Variants in NOL4 observed in about 807,000 individuals in gnomAD.
The protein encoded by NOL4 is nucleolar protein 4.
In NOL4, 17 loss-of-function variants were observed where a neutral mutation model predicts 75.9. The observed-to-expected ratio is 0.22, with a 90% CI of 0.15 to 0.34. The LOEUF is 0.34. Among genes scored for constraint, NOL4 ranks in the 10% least tolerant of loss-of-function variants. The pLI is 1.00. For missense variants in NOL4, 614 were observed against 793.5 expected, an observed-to-expected ratio of 0.77 and a Z score of 2.72; for synonymous variants, 292 against 289.9, an observed-to-expected ratio of 1.01 and a Z score of -0.07.
At chr18:33,992,988 T>C (rs2073030179) in intron 6 of NOL4, among the ~76,000 whole-genome samples, 1 of 151,454 alleles carries the variant, frequency 6.6e-6, no homozygotes, top group South Asian at 2.1e-4. Flanking sequence ...TAAATAGAGG[T>C]TTTAGTGGAC....
rs1001378388 is a variant in NOL4 at position 33,867,627 on chromosome 18, G to A, written c.1724-14592C>T. ...TCCCTGGAAATCCCTGGAAAGTTAA[G>A]ACTCTAATGTGTGTGTATGTAAACA... On this transcript the variant is annotated intron_variant, in intron 10 of 10. Transcript: ENST00000261592. Among the ~76,000 whole-genome samples, 3 of 148,178 alleles carry A rather than the reference G, an allele frequency of 2.0e-5. No individual in the cohort carries two copies. In the Admixed American group the frequency reaches 2.1e-4, roughly 10 times the overall value.
At chr18:33,966,590 G>A (rs1255496706) in intron 6 of NOL4, among the ~76,000 whole-genome samples, 2 of 152,112 alleles carry the variant, frequency 1.3e-5, no homozygotes, top group African/African-American at 4.8e-5. Context: ...AACCACTTCA[G>A]TGAAGTTTTA....
At chr18:34,135,007 G>GA (rs1316750351) in intron 1 of NOL4, among the ~76,000 whole-genome samples, 1 of 151,998 alleles carries the variant, frequency 6.6e-6, no homozygotes, top group East Asian at 1.9e-4. Context: ...TTAGTAACCA[G>GA]AAAAAGAGTA....
intron 1 of NOL4, among the ~76,000 whole-genome samples, chr18:34,186,019 A>C (rs2034437086): frequency 6.6e-6 from 1 of 152,176 alleles, no homozygotes; most frequent in African/African-American, 2.4e-5. Flanking sequence ...CTTCAGGAGA[A>C]GTCATCAAGC....
At position 33,891,825 on chromosome 18, in the gene NOL4, A is replaced by G. The variant is rs117236343; in HGVS notation, c.1543-8401T>C. 4.9e-4 allele frequency among the ~76,000 whole-genome samples: 75 copies of G among 152,302 alleles called. 1 individual carries two copies. The highest frequency in any genetic ancestry group is 8.1e-4 in the Non-Finnish European group (55 of 68,024). ...ATTAACTGGTATTCCAAACCACAGT[A>G]ACTGCACTAAGTAGCCAGATAATTT... is the stretch of plus-strand genomic sequence containing the variant. On this transcript the variant is annotated intron_variant, in intron 9 of 10. Transcript: ENST00000261592.
chr18:33,940,563 G>A (rs1346831785), intron 9 of NOL4, among the ~76,000 whole-genome samples: 4 of 151,974 alleles, frequency 2.6e-5, no homozygotes, highest in Non-Finnish European at 5.9e-5. Flanking sequence ...TAGGAGGCTA[G>A]GGGAGGGATA....
intron 5 of NOL4, among the ~76,000 whole-genome samples, chr18:34,066,069 T>C (rs943528069): frequency 6.6e-6 from 1 of 152,066 alleles, no homozygotes; most frequent in South Asian, 2.1e-4. Context: ...GTTCACAGGA[T>C]TGATTTGAAG....
At chr18:34,144,943 C>T (rs932710192) in intron 1 of NOL4, among the ~76,000 whole-genome samples, 1 of 151,984 alleles carries the variant, frequency 6.6e-6, no homozygotes, top group African/African-American at 2.4e-5. Context: ...ATGAGGAAAA[C>T]AGACAGGAAG....
chr18:33,919,570 T>A (rs1398579772), intron 9 of NOL4, among the ~76,000 whole-genome samples: 2 of 152,202 alleles, frequency 1.3e-5, no homozygotes, highest in Non-Finnish European at 2.9e-5. Context: ...ACAAAAGACA[T>A]GTATAGATTA....
At chr18:33,867,788 T>C (rs1297819228) in intron 10 of NOL4, among the ~76,000 whole-genome samples, 1 of 151,948 alleles carries the variant, frequency 6.6e-6, no homozygotes, top group African/African-American at 2.4e-5. Flanking sequence ...GTAGTTCCAG[T>C]CTGAGTGTGA....
At position 33,943,850 on chromosome 18, in the gene NOL4, T is replaced by C. The variant is rs534332260; in HGVS notation, c.1429-672A>G. 3.9e-5 allele frequency among the ~76,000 whole-genome samples: 6 copies of C among 152,008 alleles called. No individual in the cohort carries two copies. In the East Asian group the frequency reaches 1.2e-3, roughly 30 times the overall value. ...TTTTATAGGGACGTGTTGAAATCCA[T>C]CTTCTATGTAGCCCACATAGAAAGA... On this transcript the variant is annotated intron_variant, in intron 8 of 10. Transcript: ENST00000261592.
chr18:33,983,825 GT>G (rs2072198588), intron 6 of NOL4, among the ~76,000 whole-genome samples: 1 of 151,786 alleles, frequency 6.6e-6, no homozygotes, highest in Non-Finnish European at 1.5e-5. Context: ...TTGCATTCAT[GT>G]TAGATTGAAT....
chr18:34,141,054 G>A (rs1476395783), intron 1 of NOL4, among the ~76,000 whole-genome samples: 1 of 152,102 alleles, frequency 6.6e-6, no homozygotes, highest in Non-Finnish European at 1.5e-5. Flanking sequence ...CAAACAGAGA[G>A]CCAAATCATG....
chr18:34,147,045 T>C (rs1237880788), intron 1 of NOL4, among the ~76,000 whole-genome samples: 1 of 152,204 alleles, frequency 6.6e-6, no homozygotes, highest in South Asian at 2.1e-4. Flanking sequence ...ATAGGAATGC[T>C]TGTGATTTTT....
chr18:34,185,804 G>T (rs569386583), intron 1 of NOL4, among the ~76,000 whole-genome samples: 4 of 152,184 alleles, frequency 2.6e-5, no homozygotes, highest in African/African-American at 9.6e-5. Flanking sequence ...AAATCATGAC[G>T]TATCTCCTAC....
In NOL4 at chr18:33,884,679, G is replaced by GT. The variant is rs1366716064; in HGVS notation, c.1543-1256dup. Among the ~76,000 whole-genome samples the GT allele has an allele frequency of 1.1e-4, 16 of 151,758 alleles. No individual in the cohort carries two copies. The South Asian group carries it at 2.7e-3, about 26-fold the overall frequency. On this transcript the variant is annotated intron_variant, in intron 9 of 10. Coordinates refer to ENST00000261592, the MANE Select transcript of NOL4 (RefSeq NM_003787.5). ...AGATTTCTAGGGAATTCTTAGGAGA[G>GT]TTTTTTGTCACAATCAGAAGTATTT...
In NOL4 at chr18:33,943,111, C is replaced by A; in HGVS notation, c.1496G>T (p.Ser499Ile). The A allele has an allele frequency of 6.2e-7, 1 of 1,611,608 alleles. No homozygotes were observed. The highest frequency in any genetic ancestry group is 8.5e-7 in the Non-Finnish European group (1 of 1,178,720). Residue 499 changes from serine to isoleucine, a missense_variant, in exon 9 of 11, where the codon AGT becomes ATT. By Grantham distance (142) the Ser-to-Ile change is moderately radical (BLOSUM62 -2). Coordinates refer to ENST00000261592, the MANE Select transcript of NOL4 (RefSeq NM_003787.5). Reference protein sequence around the residue: ...AESILASACESESRNAAKRMR... With the variant: ...AESILASACEIESRNAAKRMR... ...CCTCTTGGCGGCATTTCTACTCTCA[C>A]TCTCACAAGCTGAAGCCAAGATACT...
rs1487521769 is a variant in NOL4 at position 33,865,005 on chromosome 18, C to T, written c.1724-11970G>A. 3.3e-5 allele frequency among the ~76,000 whole-genome samples: 5 copies of T among 152,246 alleles called. No homozygotes were observed. The South Asian group carries it at 8.3e-4, about 25-fold the overall frequency. Reference sequence around the variant, plus strand: ...TTTAATCACCTCCCATCATGTCCCTCCCTCAACAAGTAGTGATTATGGGGA... The same window carrying T: ...TTTAATCACCTCCCATCATGTCCCTTCCTCAACAAGTAGTGATTATGGGGA... On this transcript the variant is annotated intron_variant, in intron 10 of 10. Coordinates refer to ENST00000261592, the MANE Select transcript of NOL4 (RefSeq NM_003787.5).
At chr18:34,193,151 A>G (rs1343139024) in intron 1 of NOL4, among the ~76,000 whole-genome samples, 1 of 152,204 alleles carries the variant, frequency 6.6e-6, no homozygotes, top group African/African-American at 2.4e-5. Flanking sequence ...CTAATACTGT[A>G]AAACTGCAAG....
Sources: allele counts gnomAD v4.1 joint callset (sites outside exome capture counted in the v4.1 genomes callset), GRCh38; gene constraint gnomAD v4.1.1; transcripts MANE v1.5; gene names NCBI Gene and HGNC (gene_info 2026-07-23, HGNC 2026-07-21).